The following DNM3 variants were observed in gnomAD, a reference collection of about 807,000 sequenced individuals.
The protein encoded by DNM3 is dynamin 3.
In DNM3, 47 loss-of-function variants were observed where a neutral mutation model predicts 101.6. That is an observed-to-expected ratio of 0.46 (90% CI 0.37 to 0.59). DNM3 has a LOEUF of 0.59. Among genes scored for constraint, DNM3 ranks in the 20% least tolerant of loss-of-function variants. The pLI is 0.00. For synonymous variants in DNM3, 385 were observed against 387.9 expected (o/e 0.99, Z 0.09); for missense variants, 849 against 1,085.7 (o/e 0.78, Z 3.06).
chr1:172,104,399 T>C (rs1018624886), intron 13 of DNM3, among the ~76,000 whole-genome samples: 1 of 152,124 alleles, frequency 6.6e-6, no homozygotes, highest in African/African-American at 2.4e-5. Context: ...AAACCACAGT[T>C]ACTTATGTCT....
chr1:172,046,968 C>T (rs912575303), intron 9 of DNM3, among the ~76,000 whole-genome samples: 3 of 151,786 alleles, frequency 2.0e-5, no homozygotes, highest in South Asian at 2.1e-4. Context: ...TCAGAATTGT[C>T]AATTTCTGAT....
chr1:171,977,854 C>G (rs569418607), intron 2 of DNM3, among the ~76,000 whole-genome samples: 5 of 152,280 alleles, frequency 3.3e-5, no homozygotes, highest in African/African-American at 1.2e-4. Flanking sequence ...ACGGTGGCTT[C>G]AATTACAACC....
At chr1:172,138,253 G>A (rs2057360700) in intron 14 of DNM3, 1 of 147,978 alleles carries the variant, frequency 6.8e-6, no homozygotes, top group South Asian at 2.2e-4. Flanking sequence ...GACTGGCAGA[G>A]TTAACCCAGA....
chr1:172,034,764 A>G (rs2048841759), intron 6 of DNM3, among the ~76,000 whole-genome samples: 1 of 152,130 alleles, frequency 6.6e-6, no homozygotes, highest in African/African-American at 2.4e-5. Flanking sequence ...GGAAAATGAC[A>G]TGACGTTTTT....
At chr1:171,861,886 A>G (rs1214343941) in intron 1 of DNM3, among the ~76,000 whole-genome samples, 1 of 152,154 alleles carries the variant, frequency 6.6e-6, no homozygotes, top group Non-Finnish European at 1.5e-5. Flanking sequence ...CTCTTATAAC[A>G]CAACAATAAA....
At chr1:171,982,463 T>C (rs2044875237) in intron 2 of DNM3, among the ~76,000 whole-genome samples, 1 of 152,118 alleles carries the variant, frequency 6.6e-6, no homozygotes, top group Non-Finnish European at 1.5e-5. Context: ...TTCCATCCTG[T>C]AGGTTGAATT....
intron 9 of DNM3, among the ~76,000 whole-genome samples, chr1:172,046,683 C>T (rs2208367): frequency 0.38 from 57,134 of 151,848 alleles, 11,322 homozygotes; most frequent in East Asian, 0.69. Flanking sequence ...CCAAATCTAA[C>T]GTTTTTTCTT....
intron 4 of DNM3, among the ~76,000 whole-genome samples, chr1:172,014,473 T>G (rs1017320459): frequency 3.3e-5 from 5 of 152,184 alleles, no homozygotes; most frequent in African/African-American, 1.2e-4. Flanking sequence ...TTGTCAGTTT[T>G]GTGGATCTTA....
chr1:172,121,743 TA>T (rs1457721671), intron 13 of DNM3, among the ~76,000 whole-genome samples: 2 of 152,204 alleles, frequency 1.3e-5, no homozygotes, highest in Non-Finnish European at 2.9e-5. Flanking sequence ...TGTTATTAGG[TA>T]GGGGTTGGGA....
At chr1:172,009,156 A>G (rs2046950982) in intron 4 of DNM3, among the ~76,000 whole-genome samples, 1 of 140,024 alleles carries the variant, frequency 7.1e-6, no homozygotes. Flanking sequence ...ATTATATGAT[A>G]TATAATATTA....
At chr1:171,979,833 C>A (rs937099634) in intron 2 of DNM3, among the ~76,000 whole-genome samples, 1 of 152,206 alleles carries the variant, frequency 6.6e-6, no homozygotes, top group Non-Finnish European at 1.5e-5. Flanking sequence ...CAACTGGCTT[C>A]GGCTTTGTAT....
chr1:172,104,837 G>A (rs2054896439), intron 13 of DNM3, among the ~76,000 whole-genome samples: 1 of 152,158 alleles, frequency 6.6e-6, no homozygotes, highest in Non-Finnish European at 1.5e-5. Flanking sequence ...GCACATGGTA[G>A]GAGGTGAGGC....
intron 2 of DNM3, among the ~76,000 whole-genome samples, chr1:171,956,462 A>G (rs114692904): frequency 0.011 from 1,665 of 152,268 alleles, 15 homozygotes; most frequent in Non-Finnish European, 0.015. Flanking sequence ...ACACTGATAC[A>G]AGTGGGCTCC....
chr1:172,257,401 A>G (rs1331392960), intron 15 of DNM3, among the ~76,000 whole-genome samples: 1 of 152,122 alleles, frequency 6.6e-6, no homozygotes, highest in Non-Finnish European at 1.5e-5. Flanking sequence ...AAGCCTGCCA[A>G]TTTTTGCTTG....
At chr1:172,118,344 A>G (rs2056069685) in intron 13 of DNM3, among the ~76,000 whole-genome samples, 1 of 152,146 alleles carries the variant, frequency 6.6e-6, no homozygotes, top group African/African-American at 2.4e-5. Flanking sequence ...ATTTTTCTAG[A>G]ATGTCTTAGG....
At chr1:171,962,903 G>A (rs1463003112) in intron 2 of DNM3, among the ~76,000 whole-genome samples, 1 of 152,186 alleles carries the variant, frequency 6.6e-6, no homozygotes, top group African/African-American at 2.4e-5. Flanking sequence ...TAGCAAGGAT[G>A]TGGAGCAGCA....
intron 11 of DNM3, among the ~76,000 whole-genome samples, chr1:172,073,278 T>C (rs2052361560): frequency 7.3e-6 from 1 of 137,252 alleles, no homozygotes; most frequent in Non-Finnish European, 1.7e-5. Flanking sequence ...TATATGCTTA[T>C]ATGTATATAT....
intron 2 of DNM3, among the ~76,000 whole-genome samples, chr1:171,973,918 G>A (rs2044194351): frequency 6.6e-6 from 1 of 152,014 alleles, no homozygotes; most frequent in Non-Finnish European, 1.5e-5. Flanking sequence ...TCCCGCCTTG[G>A]CCTCCTAACG....
chr1:172,150,979 A>G (rs2058104071), intron 14 of DNM3, among the ~76,000 whole-genome samples: 1 of 152,222 alleles, frequency 6.6e-6, no homozygotes, highest in African/African-American at 2.4e-5. Context: ...TTTATTACAG[A>G]TATATGGATA....
Sources: allele counts gnomAD v4.1 joint callset (sites outside exome capture counted in the v4.1 genomes callset), GRCh38; gene constraint gnomAD v4.1.1; transcripts MANE v1.5; gene names NCBI Gene and HGNC (gene_info 2026-07-23, HGNC 2026-07-21).